Variants in PCDH15 observed in about 807,000 individuals in gnomAD.
The protein encoded by PCDH15 is protocadherin related 15, also known as protocadherin-15.
A neutral mutation model predicts 178.5 loss-of-function variants in PCDH15; 129 were observed. The ratio of observed to expected loss-of-function variants is 0.72; its 90% CI spans 0.63 to 0.84. PCDH15 has a LOEUF of 0.84. PCDH15 is among the 40% of genes least tolerant of loss of function. PCDH15 has a pLI of 0.00. For missense variants in PCDH15, 2,230 were observed against 2,099.9 expected, an observed-to-expected ratio of 1.06 and a Z score of -1.21; for synonymous variants, 800 against 732.0, an observed-to-expected ratio of 1.09 and a Z score of -1.50.
At chr10:54,515,647 C>T (rs531298966) in intron 3 of PCDH15, among the ~76,000 whole-genome samples, 8 of 152,198 alleles carry the variant, frequency 5.3e-5, no homozygotes, top group South Asian at 4.1e-4. Context: ...TCTCCCAGCA[C>T]GCAGCTGGAG....
intron 2 of PCDH15, among the ~76,000 whole-genome samples, chr10:55,377,499 T>A (rs1837426927): frequency 6.6e-6 from 1 of 151,938 alleles, no homozygotes; most frequent in Non-Finnish European, 1.5e-5. Context: ...ATTACTATAT[T>A]TTTTATATTT....
intron 10 of PCDH15, among the ~76,000 whole-genome samples, chr10:54,206,935 AACATTTT>A (rs1358856656): frequency 6.6e-6 from 1 of 152,052 alleles, no homozygotes; most frequent in African/African-American, 2.4e-5. Flanking sequence ...CTTTCCTTTG[AACATTTT>A]ACAATGTTTG....
intron 2 of PCDH15, among the ~76,000 whole-genome samples, chr10:55,474,146 G>A (rs1840018304): frequency 6.6e-6 from 1 of 152,116 alleles, no homozygotes; most frequent in Non-Finnish European, 1.5e-5. Context: ...AAGATCAGAT[G>A]TGTGTGCATT....
intron 1 of PCDH15, among the ~76,000 whole-genome samples, chr10:55,273,299 C>T (rs1029122276): frequency 2.0e-5 from 3 of 152,028 alleles, no homozygotes; most frequent in Admixed American, 2.0e-4. Flanking sequence ...AAACAAGTGT[C>T]ATTTCAACAT....
At chr10:54,715,860 C>T (rs1244098971) in intron 1 of PCDH15, among the ~76,000 whole-genome samples, 16 of 152,132 alleles carry the variant, frequency 1.1e-4, no homozygotes, top group Admixed American at 1.0e-3. Context: ...AGGCATTTGA[C>T]ACACACATTC....
At chr10:55,548,952 T>G (rs992317916) in intron 2 of PCDH15, among the ~76,000 whole-genome samples, 6 of 152,128 alleles carry the variant, frequency 3.9e-5, no homozygotes, top group African/African-American at 1.4e-4. Flanking sequence ...AAAAGAATAA[T>G]TTTAGTATTT....
intron 16 of PCDH15, among the ~76,000 whole-genome samples, chr10:54,081,327 C>T (rs977865315): frequency 6.8e-6 from 1 of 146,408 alleles, no homozygotes; most frequent in Admixed American, 6.9e-5. Context: ...TATGTATACT[C>T]TATATATACT....
chr10:55,113,233 A>G (rs1487163116), intron 2 of PCDH15, among the ~76,000 whole-genome samples: 1 of 152,176 alleles, frequency 6.6e-6, no homozygotes, highest in Non-Finnish European at 1.5e-5. Flanking sequence ...ATTATTATAG[A>G]TAACTATTGT....
At chr10:55,385,154 G>T (rs187030178) in intron 2 of PCDH15, among the ~76,000 whole-genome samples, 1 of 152,084 alleles carries the variant, frequency 6.6e-6, no homozygotes, top group Admixed American at 6.6e-5. Flanking sequence ...CATAAATAAA[G>T]AAAATTTACG....
chr10:54,433,895 T>C (rs974895176), intron 3 of PCDH15, among the ~76,000 whole-genome samples: 29 of 152,128 alleles, frequency 1.9e-4, no homozygotes, highest in African/African-American at 7.0e-4. Flanking sequence ...CAGGCCAATC[T>C]TTCAGGAGAT....
At chr10:54,146,507 C>T (rs987476381) in intron 14 of PCDH15, among the ~76,000 whole-genome samples, 4 of 151,846 alleles carry the variant, frequency 2.6e-5, no homozygotes, top group Admixed American at 1.3e-4. Flanking sequence ...CCAATATACA[C>T]GACTAAAGAA....
At chr10:54,296,887 C>G (rs912439358) in intron 8 of PCDH15, among the ~76,000 whole-genome samples, 1 of 152,158 alleles carries the variant, frequency 6.6e-6, no homozygotes, top group Non-Finnish European at 1.5e-5. Context: ...CTTTATAGGG[C>G]ATGGATAAAG....
intron 2 of PCDH15, among the ~76,000 whole-genome samples, chr10:55,556,395 C>G (rs541948390): frequency 2.0e-5 from 3 of 152,134 alleles, no homozygotes; most frequent in Non-Finnish European, 4.4e-5. Context: ...TATTGTGAAC[C>G]TGCTCTTCAA....
At chr10:54,090,501 G>A (rs771718326) in intron 15 of PCDH15, among the ~76,000 whole-genome samples, 114 of 151,900 alleles carry the variant, frequency 7.5e-4, no homozygotes, top group Non-Finnish European at 1.1e-3. Flanking sequence ...GAAGTTACCC[G>A]GGTGCAGTGG....
At chr10:55,087,521 T>C (rs570245268) in intron 2 of PCDH15, among the ~76,000 whole-genome samples, 7 of 152,286 alleles carry the variant, frequency 4.6e-5, no homozygotes, top group Non-Finnish European at 1.0e-4. Context: ...TTTGTAGAGT[T>C]TGGAGAACAT....
intron 3 of PCDH15, among the ~76,000 whole-genome samples, chr10:54,419,572 A>T (rs898241496): frequency 3.6e-4 from 55 of 152,192 alleles, no homozygotes; most frequent in Non-Finnish European, 7.2e-4. Context: ...GTTCCACCTC[A>T]TGAAAGTCTT....
Position 55,092,171 on chromosome 10 carries a change from T to TAATA in PCDH15, c.-80+74404_-80+74405insTATT, listed in dbSNP as rs1432205172. Among the ~76,000 whole-genome samples, 3 of 151,988 alleles carry TAATA rather than the reference T, an allele frequency of 2.0e-5. No individual in the cohort carries two copies. The East Asian group carries it at 5.8e-4, about 29-fold the overall frequency. On this transcript the variant is annotated intron_variant, in intron 2 of 5. Transcript: ENST00000458638. Reference sequence around the variant, plus strand: ...GTCTTAATTTTCCTTGTGCTAATATTAACTTCAAAAGAAATAATGGAGATG... The same window carrying TAATA: ...GTCTTAATTTTCCTTGTGCTAATATTAATAAACTTCAAAAGAAATAATGGAGATG...
At chr10:54,095,171 G>A (rs2094678710) in intron 15 of PCDH15, among the ~76,000 whole-genome samples, 1 of 152,134 alleles carries the variant, frequency 6.6e-6, no homozygotes, top group Admixed American at 6.6e-5. Context: ...TCTGATTTAT[G>A]TTATTAAACC....
intron 2 of PCDH15, among the ~76,000 whole-genome samples, chr10:55,156,589 C>A (rs1036854131): frequency 6.6e-6 from 1 of 152,116 alleles, no homozygotes; most frequent in Admixed American, 6.6e-5. Flanking sequence ...AATATACCTA[C>A]GTGCACATGT....
Sources: allele counts gnomAD v4.1 joint callset (sites outside exome capture counted in the v4.1 genomes callset), GRCh38; gene constraint gnomAD v4.1.1; transcripts MANE v1.5; gene names NCBI Gene and HGNC (gene_info 2026-07-23, HGNC 2026-07-21).